Variants in CSMD3 observed in about 807,000 individuals in gnomAD.
The protein encoded by CSMD3 is CUB and Sushi multiple domains 3.
In CSMD3, 177 loss-of-function variants were observed where a neutral mutation model predicts 435.2. The ratio of observed to expected loss-of-function variants is 0.41; its 90% confidence interval spans 0.36 to 0.46. The LOEUF (loss-of-function observed/expected upper bound fraction) is 0.46. Among genes scored for constraint, CSMD3 ranks in the 20% least tolerant of loss-of-function variants. CSMD3 has a pLI of 0.34. For synonymous variants in CSMD3, 1,656 were observed against 1,520.5 expected, an observed-to-expected ratio of 1.09 and a Z score of -2.07; for missense variants, 4,265 against 4,504.6, an observed-to-expected ratio of 0.95 and a Z score of 1.52.
chr8:113,145,350 A>C (rs2131749113), intron 4 of CSMD3, among the ~76,000 whole-genome samples: 1 of 151,724 alleles, frequency 6.6e-6, no homozygotes, highest in South Asian at 2.1e-4. Context: ...TTTTATCACA[A>C]GTGTTTTGAG....
At chr8:113,341,721 C>T (rs1011366763) in intron 1 of CSMD3, among the ~76,000 whole-genome samples, 2 of 152,010 alleles carry the variant, frequency 1.3e-5, no homozygotes, top group African/African-American at 4.8e-5. Context: ...TCTAGTTTTG[C>T]TACTATCATA....
intron 1 of CSMD3, among the ~76,000 whole-genome samples, chr8:113,371,544 T>C (rs2094346168): frequency 6.6e-6 from 1 of 152,182 alleles, no homozygotes; most frequent in Non-Finnish European, 1.5e-5. Flanking sequence ...TTCATCTTTT[T>C]ATTATTTGCT....
chr8:112,272,420 G>A (rs1254391412), intron 59 of CSMD3, among the ~76,000 whole-genome samples: 1 of 151,856 alleles, frequency 6.6e-6, no homozygotes, highest in Admixed American at 6.6e-5. Context: ...TATATAGTCT[G>A]GGCATATAGT....
intron 1 of CSMD3, among the ~76,000 whole-genome samples, chr8:113,376,207 A>AG (rs1272581064): frequency 2.0e-5 from 3 of 152,188 alleles, no homozygotes; most frequent in Non-Finnish European, 4.4e-5. Context: ...TTTAAAAAGT[A>AG]GGTTCCTGAA....
At chr8:113,058,157 C>T (rs1421270747) in intron 5 of CSMD3, among the ~76,000 whole-genome samples, 3 of 151,874 alleles carry the variant, frequency 2.0e-5, no homozygotes, top group Non-Finnish European at 4.4e-5. Context: ...AGTTGGTACA[C>T]AGCTTCTTTC....
At chr8:112,973,553 C>A (rs2084738052) in intron 7 of CSMD3, among the ~76,000 whole-genome samples, 1 of 151,768 alleles carries the variant, frequency 6.6e-6, no homozygotes, top group Non-Finnish European at 1.5e-5. Context: ...TGTGTCTGAG[C>A]CAAAATTATT....
At chr8:113,329,208 T>TAAATAAATAAAC (rs2094008311) in intron 1 of CSMD3, among the ~76,000 whole-genome samples, 1 of 147,880 alleles carries the variant, frequency 6.8e-6, no homozygotes, top group Non-Finnish European at 1.5e-5. Context: ...AGAATGAAAA[T>TAAATAAATAAAC]AAATAAATAA....
chr8:113,240,570 T>A (rs1234106754), intron 3 of CSMD3, among the ~76,000 whole-genome samples: 1 of 152,166 alleles, frequency 6.6e-6, no homozygotes, highest in Non-Finnish European at 1.5e-5. Flanking sequence ...TCTGCATCAG[T>A]AATTAATATA....
rs2130153347 is a variant in CSMD3 at position 113,436,736 on chromosome 8, A to G, written c.119T>C (p.Ile40Thr). ...LDFILMKKMGIKSGFTFWNLV... is the reference protein window; with the variant it reads ...LDFILMKKMGTKSGFTFWNLV... ...GTTCCAAAACGTAAATCCACTTTTA[A>G]TCCCCATTTTCTTCATCAGGATGAA... The change falls in exon 1 of 71, where the codon ATT (isoleucine) becomes ACT (threonine). Residue 40 changes from isoleucine to threonine, a missense_variant. This residue lies in a region of CSMD3 where 731 missense variants were observed against 755.4 expected (regional missense o/e 0.97). Coordinates refer to ENST00000297405, the MANE Select transcript of CSMD3 (RefSeq NM_198123.2). The G allele has an allele frequency of 1.2e-6, 2 of 1,614,200 alleles. No individual in the cohort carries two copies. The highest frequency in any genetic ancestry group is 4.5e-5 in the East Asian group (2 of 44,876).
At chr8:112,335,548 A>G in intron 44 of CSMD3, 74 bp from the exon 45 acceptor site, 1 of 1,257,888 alleles carries the variant, frequency 7.9e-7, no homozygotes, top group South Asian at 1.2e-5. Context: ...GTATTTAATA[A>G]AAGTATTGCA....
intron 19 of CSMD3, among the ~76,000 whole-genome samples, chr8:112,647,014 A>G (rs1286200525): frequency 6.6e-6 from 1 of 152,128 alleles, no homozygotes; most frequent in South Asian, 2.1e-4. Flanking sequence ...CAGCCCCCAC[A>G]ACAACCTTTT....
intron 38 of CSMD3, among the ~76,000 whole-genome samples, chr8:112,359,689 C>T (rs1826995714): frequency 6.6e-6 from 1 of 151,978 alleles, no homozygotes; most frequent in Admixed American, 6.6e-5. Context: ...ATTAGAAAGT[C>T]AGGCAGTAAA....
intron 7 of CSMD3, among the ~76,000 whole-genome samples, chr8:112,974,140 C>T (rs1173548408): frequency 6.6e-6 from 1 of 151,868 alleles, no homozygotes; most frequent in African/African-American, 2.4e-5. Context: ...CCGGGAAGTA[C>T]TCTTGAAGCT....
At chr8:113,282,001 G>A (rs1390898410) in intron 2 of CSMD3, among the ~76,000 whole-genome samples, 1 of 151,908 alleles carries the variant, frequency 6.6e-6, no homozygotes, top group African/African-American at 2.4e-5. Flanking sequence ...CTGAAGATAG[G>A]CACCAATTCC....
At chr8:112,859,003 T>G (rs1010126026) in intron 11 of CSMD3, 142 bp downstream of exon 11, 5 of 688,528 alleles carry the variant, frequency 7.3e-6, no homozygotes, top group African/African-American at 7.2e-5. Context: ...TAAATCTGGT[T>G]TATAAACTGT....
intron 13 of CSMD3, among the ~76,000 whole-genome samples, chr8:112,721,281 T>G (rs370392749): frequency 6.6e-6 from 1 of 152,096 alleles, no homozygotes; most frequent in Non-Finnish European, 1.5e-5. Context: ...ACATTAGAAA[T>G]GTTAAAATAT....
At chr8:112,670,383 A>T (rs1018159063) in intron 16 of CSMD3, among the ~76,000 whole-genome samples, 1 of 152,216 alleles carries the variant, frequency 6.6e-6, no homozygotes, top group African/African-American at 2.4e-5. Context: ...AATTGTTGAC[A>T]AAGGATATGT....
intron 2 of CSMD3, among the ~76,000 whole-genome samples, chr8:113,307,180 C>A (rs918225008): frequency 2.0e-5 from 3 of 151,950 alleles, no homozygotes; most frequent in Admixed American, 1.3e-4. Flanking sequence ...TAAGGCCTAG[C>A]CTTTTCTGGA....
chr8:113,209,395 A>G (rs557668638), intron 3 of CSMD3, among the ~76,000 whole-genome samples: 1 of 152,274 alleles, frequency 6.6e-6, no homozygotes, highest in African/African-American at 2.4e-5. Flanking sequence ...GGCACAAGAT[A>G]TTTCAAGAAT....
Sources: allele counts gnomAD v4.1 joint callset (sites outside exome capture counted in the v4.1 genomes callset), GRCh38; gene constraint gnomAD v4.1.1; regional missense constraint gnomAD v4.1.1; transcripts MANE v1.5; gene names NCBI Gene and HGNC (gene_info 2026-07-23, HGNC 2026-07-21).